SPECC1L: variants seen among roughly 807,000 people sequenced by gnomAD.
SPECC1L encodes the protein cytospin-A.
A neutral mutation model predicts 116.8 loss-of-function variants in SPECC1L; 40 were observed. The observed-to-expected ratio is 0.34, with a 90% CI of 0.27 to 0.45. The LOEUF is 0.45. SPECC1L is among the 20% of genes least tolerant of loss of function. The probability of loss-of-function intolerance (pLI) is 1.00; values close to 1 mark genes in which losing one functional copy is unlikely to be tolerated. For missense variants in SPECC1L, 1,110 were observed against 1,373.6 expected, an observed-to-expected ratio of 0.81 and a Z score of 3.03; for synonymous variants, 504 against 500.6, an observed-to-expected ratio of 1.01 and a Z score of -0.09.
intron 1 of SPECC1L, among the ~76,000 whole-genome samples, chr22:24,272,114 C>T (rs192315267): frequency 1.3e-4 from 20 of 152,348 alleles, no homozygotes; most frequent in Admixed American, 2.6e-4. Context: ...GGCGCGGTGC[C>T]TCATGCCTGT....
At chr22:24,370,929 AAAAG>A (rs1046889392) in intron 14 of SPECC1L, among the ~76,000 whole-genome samples, 2 of 152,028 alleles carry the variant, frequency 1.3e-5, no homozygotes, top group Admixed American at 6.6e-5. Flanking sequence ...GGGGAGGGAA[AAAAG>A]AAAGGGGGTG....
intron 16 of SPECC1L, among the ~76,000 whole-genome samples, chr22:24,413,646 A>C (rs1435657584): frequency 6.6e-6 from 1 of 152,232 alleles, no homozygotes; most frequent in Non-Finnish European, 1.5e-5. Context: ...TGTACAGGGA[A>C]AAATAAGTTA....
intron 2 of SPECC1L, among the ~76,000 whole-genome samples, chr22:24,300,949 C>G (rs1269228197): frequency 6.6e-6 from 1 of 152,098 alleles, no homozygotes; most frequent in East Asian, 1.9e-4. Flanking sequence ...TTCCTTACAC[C>G]TTATAAAAAA....
chr22:24,299,728 G>A (rs1441373396), intron 2 of SPECC1L, among the ~76,000 whole-genome samples: 2 of 150,908 alleles, frequency 1.3e-5, no homozygotes, highest in African/African-American at 4.9e-5. Context: ...TAGCTCTATT[G>A]ATATGTAATT....
Position 24,313,331 on chromosome 22 carries a change from C to T in SPECC1L, c.172C>T (p.Leu58Phe). The change falls in exon 4 of 17, where the codon CTT (leucine) becomes TTT (phenylalanine). Residue 58 changes from leucine to phenylalanine, a missense_variant. Leu to Phe is a conservative substitution (Grantham distance 22). Transcript: ENST00000314328. ...CTTCTAGACCAAGAGCAGTGATGAC[C>T]TTTTAGCTGGAATGGCCGGAGGGGT... ...SLSKTKSSDD[L>F]LAGMAGGVTV... The T allele has an allele frequency of 1.2e-6, 2 of 1,614,054 alleles. No individual in the cohort carries two copies. Among genetic ancestry groups the T allele is most frequent in the Non-Finnish European group, 1.7e-6 (2 of 1,180,024 alleles).
chr22:24,307,970 C>T (rs2146424776), intron 3 of SPECC1L, among the ~76,000 whole-genome samples: 1 of 151,932 alleles, frequency 6.6e-6, no homozygotes, highest in Middle Eastern at 3.4e-3. Context: ...AGGACTAGTA[C>T]TAAGAATTCC....
chr22:24,394,983 A>G (rs926767675), intron 14 of SPECC1L, among the ~76,000 whole-genome samples: 5 of 151,948 alleles, frequency 3.3e-5, no homozygotes, highest in East Asian at 1.9e-4. Flanking sequence ...GGCATGCACA[A>G]CCACACCTGG....
At chr22:24,340,260 T>G (rs980094226) in intron 10 of SPECC1L, among the ~76,000 whole-genome samples, 2 of 148,716 alleles carry the variant, frequency 1.3e-5, no homozygotes, top group African/African-American at 4.9e-5. Flanking sequence ...GTGATTCTCA[T>G]GCCTCAGCCT....
chr22:24,364,339 G>C (rs2041706818), intron 12 of SPECC1L, among the ~76,000 whole-genome samples: 1 of 152,076 alleles, frequency 6.6e-6, no homozygotes, highest in South Asian at 2.1e-4. Flanking sequence ...ATACGTTTTG[G>C]TTTTCTGTCT....
intron 2 of SPECC1L, among the ~76,000 whole-genome samples, chr22:24,286,120 A>T (rs2049040087): frequency 6.6e-6 from 1 of 152,202 alleles, no homozygotes; most frequent in Non-Finnish European, 1.5e-5. Flanking sequence ...TGATGTTTGT[A>T]ACCTAGAATA....
chr22:24,316,767 A>C (rs2040578296), intron 4 of SPECC1L, among the ~76,000 whole-genome samples: 1 of 149,644 alleles, frequency 6.7e-6, no homozygotes, highest in African/African-American at 2.5e-5. Flanking sequence ...CATTGTCATC[A>C]TGGCCCATTC....
At chr22:24,357,158 G>A (rs2041549923) in intron 11 of SPECC1L, among the ~76,000 whole-genome samples, 1 of 152,130 alleles carries the variant, frequency 6.6e-6, no homozygotes, top group Admixed American at 6.5e-5. Context: ...AGAAAATCAA[G>A]TAGGAAATCC....
At chr22:24,291,826 A>T (rs2049162519) in intron 2 of SPECC1L, among the ~76,000 whole-genome samples, 1 of 152,212 alleles carries the variant, frequency 6.6e-6, no homozygotes, top group African/African-American at 2.4e-5. Context: ...AGAAGGATAC[A>T]GATTTGATCA....
intron 6 of SPECC1L, among the ~76,000 whole-genome samples, chr22:24,327,186 G>T (rs1349992041): frequency 6.8e-6 from 1 of 147,554 alleles, no homozygotes; most frequent in Non-Finnish European, 1.5e-5. Context: ...GCTGAGGCAG[G>T]AGAATCGCTT....
chr22:24,417,100 A>C lies in SPECC1L; in HGVS notation c.*2477A>C, dbSNP rs1037213662. The C allele has an allele frequency of 3.3e-5, 5 of 152,534 alleles. No individual in the cohort carries two copies. Among genetic ancestry groups the C allele is most frequent in the Non-Finnish European group, 7.3e-5 (5 of 68,054 alleles). 9.4% of individuals were successfully genotyped at this position (152,534 alleles called of 1,614,324 possible). ...TCTGGCACGAAGTCTCCAAGAAGCC[A>C]CTTTGCCTCTTCTCCCTTCAAGCAC... On this transcript the variant is annotated 3_prime_UTR_variant, in exon 17 of 17. Coordinates refer to ENST00000314328, the MANE Select transcript of SPECC1L (RefSeq NM_015330.6).
intron 14 of SPECC1L, among the ~76,000 whole-genome samples, chr22:24,386,230 T>C (rs2042158551): frequency 6.6e-6 from 1 of 152,048 alleles, no homozygotes; most frequent in Non-Finnish European, 1.5e-5. Flanking sequence ...TTAAGCTTAA[T>C]GGTGACTTAT....
chr22:24,351,206 A>C (rs145359177), intron 11 of SPECC1L, among the ~76,000 whole-genome samples: 492 of 152,212 alleles, frequency 3.2e-3, no homozygotes, highest in Non-Finnish European at 5.7e-3. Flanking sequence ...AAAATATAGA[A>C]TGTTGGGCCT....
chr22:24,329,772 C>G (rs900921725), intron 7 of SPECC1L, among the ~76,000 whole-genome samples: 4 of 152,110 alleles, frequency 2.6e-5, no homozygotes, highest in African/African-American at 9.7e-5. Context: ...TGTTTTTCTT[C>G]TGGCTTCCTC....
chr22:24,372,326 C>A (rs1037349826), intron 14 of SPECC1L, among the ~76,000 whole-genome samples: 13 of 151,912 alleles, frequency 8.6e-5, no homozygotes, highest in Admixed American at 6.6e-4. Flanking sequence ...AGAGACACAA[C>A]AAAAAAAGAG....
Sources: allele counts gnomAD v4.1 joint callset (sites outside exome capture counted in the v4.1 genomes callset), GRCh38; gene constraint gnomAD v4.1.1; transcripts MANE v1.5; gene names NCBI Gene and HGNC (gene_info 2026-07-23, HGNC 2026-07-21).